The following PLPPR1 variants were observed in gnomAD, a reference collection of about 807,000 sequenced individuals.
The protein encoded by PLPPR1 is phospholipid phosphatase-related protein type 1.
A neutral mutation model predicts 33.1 loss-of-function variants in PLPPR1; 10 were observed. The ratio of observed to expected loss-of-function variants is 0.30; its 90% CI spans 0.19 to 0.51. The LOEUF is 0.51. Ranked by LOEUF, PLPPR1 falls within the 20% of genes least tolerant of loss-of-function variation. PLPPR1 has a pLI of 0.97. For synonymous variants in PLPPR1, 151 were observed against 151.0 expected, an observed-to-expected ratio of 1.00 and a Z score of 0.00; for missense variants, 304 against 408.1, an observed-to-expected ratio of 0.74 and a Z score of 2.20.
At chr9:101,043,271 A>G (rs1190681231) in intron 1 of PLPPR1, among the ~76,000 whole-genome samples, 2 of 151,270 alleles carry the variant, frequency 1.3e-5, no homozygotes, top group East Asian at 3.9e-4. Flanking sequence ...GTATTCCATC[A>G]TATATATATG....
intron 1 of PLPPR1, among the ~76,000 whole-genome samples, chr9:101,182,492 T>C (rs1805421361): frequency 6.6e-6 from 1 of 151,784 alleles, no homozygotes; most frequent in African/African-American, 2.4e-5. Flanking sequence ...ACCTCATAAA[T>C]ATATATAACT....
At chr9:101,210,256 C>T (rs1826665778) in intron 2 of PLPPR1, among the ~76,000 whole-genome samples, 1 of 152,160 alleles carries the variant, frequency 6.6e-6, no homozygotes, top group South Asian at 2.1e-4. Flanking sequence ...GTAGCCCCTG[C>T]TATTTCTTTA....
At chr9:101,139,576 G>T (rs551484477) in intron 1 of PLPPR1, among the ~76,000 whole-genome samples, 55 of 152,294 alleles carry the variant, frequency 3.6e-4, no homozygotes, top group African/African-American at 1.3e-3. Flanking sequence ...AGTGTGGTGA[G>T]GAGGTAGTCA....
chr9:101,196,821 G>A (rs1826404138), intron 2 of PLPPR1, among the ~76,000 whole-genome samples: 1 of 151,832 alleles, frequency 6.6e-6, no homozygotes, highest in African/African-American at 2.4e-5. Flanking sequence ...GCCGAGATCG[G>A]GCCACTGCAC....
intron 1 of PLPPR1, among the ~76,000 whole-genome samples, chr9:101,104,633 G>A (rs1159561529): frequency 9.0e-6 from 1 of 110,874 alleles, no homozygotes; most frequent in Non-Finnish European, 1.8e-5. Flanking sequence ...TCTCTGCCCG[G>A]CTTTGGTATC....
chr9:101,055,928 T>C (rs1404410188), intron 1 of PLPPR1, among the ~76,000 whole-genome samples: 3 of 152,228 alleles, frequency 2.0e-5, no homozygotes, highest in African/African-American at 7.2e-5. Flanking sequence ...ATTTACGTCA[T>C]GTTCCCCAAA....
intron 1 of PLPPR1, among the ~76,000 whole-genome samples, chr9:101,110,003 T>G (rs539155384): frequency 6.6e-6 from 1 of 152,294 alleles, no homozygotes; most frequent in East Asian, 1.9e-4. Flanking sequence ...ATCCCAGACA[T>G]GTAAACAGTT....
chr9:101,280,933 AAAAG>A (rs1409979598), intron 3 of PLPPR1, among the ~76,000 whole-genome samples: 1 of 152,120 alleles, frequency 6.6e-6, no homozygotes, highest in East Asian at 1.9e-4. Context: ...GCAATCAGAC[AAAAG>A]AAAGAAAGAA....
At chr9:101,179,041 G>A (rs1826060349) in intron 1 of PLPPR1, among the ~76,000 whole-genome samples, 1 of 152,180 alleles carries the variant, frequency 6.6e-6, no homozygotes, top group Non-Finnish European at 1.5e-5. Context: ...AAGTCAATGG[G>A]CTAAGAAGGG....
chr9:101,282,543 C>G (rs1828323636), intron 3 of PLPPR1, among the ~76,000 whole-genome samples: 1 of 152,052 alleles, frequency 6.6e-6, no homozygotes, highest in Non-Finnish European at 1.5e-5. Flanking sequence ...CAACATAGTA[C>G]ATAAAGTCCT....
intron 1 of PLPPR1, among the ~76,000 whole-genome samples, chr9:101,055,478 A>C (rs1026345484): frequency 2.6e-5 from 4 of 152,236 alleles, no homozygotes; most frequent in African/African-American, 9.6e-5. Context: ...TCGGTTAATC[A>C]ATTCCTTAGC....
At chr9:101,238,366 G>C (rs1269550014) in intron 2 of PLPPR1, among the ~76,000 whole-genome samples, 1 of 105,272 alleles carries the variant, frequency 9.5e-6, no homozygotes, top group African/African-American at 4.0e-5. Context: ...TATATATATG[G>C]GTATATATAT....
intron 1 of PLPPR1, among the ~76,000 whole-genome samples, chr9:101,174,886 A>AT (rs1230087319): frequency 6.6e-6 from 1 of 151,982 alleles, no homozygotes; most frequent in Non-Finnish European, 1.5e-5. Flanking sequence ...GTCAATATTG[A>AT]TTTTTTCTTT....
chr9:101,087,784 C>T (rs1224236866), intron 1 of PLPPR1, among the ~76,000 whole-genome samples: 1 of 152,162 alleles, frequency 6.6e-6, no homozygotes, highest in African/African-American at 2.4e-5. Context: ...AATCATTGAT[C>T]GTAATCTTTT....
At chr9:101,059,909 T>C (rs928369238) in intron 1 of PLPPR1, among the ~76,000 whole-genome samples, 2 of 152,042 alleles carry the variant, frequency 1.3e-5, no homozygotes, top group Non-Finnish European at 2.9e-5. Flanking sequence ...AGTATGAAGG[T>C]TGCTTTAAAA....
intron 2 of PLPPR1, among the ~76,000 whole-genome samples, chr9:101,252,079 G>C (rs942926360): frequency 6.6e-6 from 1 of 151,956 alleles, no homozygotes; most frequent in East Asian, 1.9e-4. Context: ...TTCGTTCATG[G>C]TATCACCCTG....
At chr9:101,086,066 T>C (rs1830671623) in intron 1 of PLPPR1, among the ~76,000 whole-genome samples, 1 of 152,218 alleles carries the variant, frequency 6.6e-6, no homozygotes, top group Non-Finnish European at 1.5e-5. Context: ...TGAAAGAGTG[T>C]TAGATTTTAT....
intron 1 of PLPPR1, among the ~76,000 whole-genome samples, chr9:101,081,146 T>C (rs1830613006): frequency 6.6e-6 from 1 of 152,222 alleles, no homozygotes; most frequent in Admixed American, 6.5e-5. Context: ...AGTTCAAGCA[T>C]TTAAAAAATA....
At chr9:101,263,219 C>T (rs1482106225) in intron 2 of PLPPR1, among the ~76,000 whole-genome samples, 1 of 152,090 alleles carries the variant, frequency 6.6e-6, no homozygotes, top group Non-Finnish European at 1.5e-5. Context: ...CATTGTTTAT[C>T]CTGTTACGTT....
Sources: gnomAD v4.1 joint callset for allele counts (sites outside exome capture counted in the v4.1 genomes callset) on GRCh38, gnomAD v4.1.1 for gene constraint, MANE v1.5 for transcripts, NCBI Gene and HGNC (gene_info 2026-07-23, HGNC 2026-07-21) for gene names.